THRB: variants seen among roughly 807,000 people sequenced by gnomAD.
THRB encodes the protein nuclear receptor subfamily 1 group A member 2.
A neutral mutation model predicts 47.8 loss-of-function variants in THRB; 12 were observed. The observed-to-expected ratio is 0.25, with a 90% CI of 0.16 to 0.41. THRB has a LOEUF of 0.41. Among genes scored for constraint, THRB ranks in the 10% least tolerant of loss-of-function variants. THRB has a pLI of 1.00. For synonymous variants in THRB, 218 were observed against 212.2 expected, an observed-to-expected ratio of 1.03 and a Z score of -0.24; for missense variants, 348 against 589.2, an observed-to-expected ratio of 0.59 and a Z score of 4.24.
intron 2 of THRB, among the ~76,000 whole-genome samples, chr3:24,299,728 G>C: frequency 7.1e-6 from 1 of 141,736 alleles, no homozygotes; most frequent in South Asian, 2.3e-4. Flanking sequence ...ATTCTTAACA[G>C]AAATTCCAGG....
chr3:24,355,831 G>C (rs1235146522), intron 1 of THRB, among the ~76,000 whole-genome samples: 1 of 152,102 alleles, frequency 6.6e-6, no homozygotes, highest in East Asian at 1.9e-4. Flanking sequence ...CTTAGCACTT[G>C]TATATCAGAG....
Position 24,128,863 on chromosome 3 carries a change from C to CTTTTTT in THRB, c.886-1112_886-1107dup, listed in dbSNP as rs57890674. Among the ~76,000 whole-genome samples, 64 of 87,052 alleles carry CTTTTTT rather than the reference C, an allele frequency of 7.4e-4. 5 individuals are homozygous for CTTTTTT. The highest frequency in any genetic ancestry group is 1.1e-3 in the Non-Finnish European group (45 of 41,592). The allele number at this position is 87,052 out of a possible 152,430, so 57.1% of individuals were successfully genotyped here. On this transcript the variant is annotated intron_variant, in intron 9 of 10. Coordinates refer to ENST00000646209, the MANE Select transcript of THRB (RefSeq NM_001354712.2). ...GCCAAGAGAAGAAGGAAACATAACT[C>CTTTTTT]TTTTTTTTTTTTTTTTTTTTTTTTT... is the stretch of plus-strand genomic sequence containing the variant.
chr3:24,283,787 G>A (rs1342726780), intron 3 of THRB, among the ~76,000 whole-genome samples: 3 of 151,514 alleles, frequency 2.0e-5, no homozygotes, highest in Admixed American at 1.3e-4. Context: ...TTATACACCA[G>A]TAACAGACAG....
In THRB at chr3:24,316,227, T is replaced by G. The variant is rs1415496809; in HGVS notation, c.-188-18856A>C. Among the ~76,000 whole-genome samples the G allele has an allele frequency of 2.6e-5, 4 of 152,212 alleles. No homozygotes were observed. In the East Asian group the frequency reaches 5.8e-4, roughly 22 times the overall value. On this transcript the variant is annotated intron_variant, in intron 2 of 10. Transcript: ENST00000646209. ...GCTACTACAGAGTCATGAAAATAACTGCTGGTCAACCACCAAAACAAAATT... is the reference window on the plus strand; with the variant it reads ...GCTACTACAGAGTCATGAAAATAACGGCTGGTCAACCACCAAAACAAAATT...
intron 1 of THRB, among the ~76,000 whole-genome samples, chr3:24,413,478 A>T (rs2068480851): frequency 6.6e-6 from 1 of 151,858 alleles, no homozygotes; most frequent in South Asian, 2.1e-4. Context: ...TAGAAAAATA[A>T]AGAAATCCAA....
intron 4 of THRB, among the ~76,000 whole-genome samples, chr3:24,207,243 T>G (rs1195109384): frequency 6.6e-6 from 1 of 152,168 alleles, no homozygotes; most frequent in Non-Finnish European, 1.5e-5. Context: ...GCAAAAATCC[T>G]CAATAAAATA....
At chr3:24,152,966 AAAAAAAAGAAAGAAAG>A (rs755353742) in intron 5 of THRB, among the ~76,000 whole-genome samples, 1 of 78,396 alleles carries the variant, frequency 1.3e-5, no homozygotes, top group Non-Finnish European at 2.3e-5. Context: ...CTGCCAAAAA[AAAAAAAAGAAAGAAAG>A]AAAGAAAGAA....
intron 4 of THRB, among the ~76,000 whole-genome samples, chr3:24,208,559 T>C (rs542174967): frequency 0.018 from 2,764 of 152,182 alleles, 85 homozygotes; most frequent in African/African-American, 0.063. Flanking sequence ...TCTACAACCA[T>C]CCGATCTTTG....
intron 3 of THRB, among the ~76,000 whole-genome samples, chr3:24,243,618 G>A (rs187043192): frequency 1.1e-4 from 16 of 152,080 alleles, no homozygotes; most frequent in Middle Eastern, 3.4e-3. Context: ...CCCTGGGCAC[G>A]GCGCTTCCCA....
intron 1 of THRB, among the ~76,000 whole-genome samples, chr3:24,453,293 C>T (rs2072848222): frequency 6.6e-6 from 1 of 152,218 alleles, no homozygotes; most frequent in African/African-American, 2.4e-5. Flanking sequence ...AACAACTTCA[C>T]ATCATGGCTC....
intron 4 of THRB, among the ~76,000 whole-genome samples, chr3:24,218,333 TCTCTCTC>T (rs1455086114): frequency 2.7e-5 from 3 of 111,960 alleles, no homozygotes; most frequent in East Asian, 2.3e-4. Context: ...TGTCTCTCTC[TCTCTCTC>T]TCTTTTTTTT....
chr3:24,480,254 A>T (rs1696165321), intron 1 of THRB, among the ~76,000 whole-genome samples: 1 of 152,214 alleles, frequency 6.6e-6, no homozygotes, highest in Admixed American at 6.5e-5. Context: ...TGGAAAGCAC[A>T]TGATCCTCAG....
intron 2 of THRB, among the ~76,000 whole-genome samples, chr3:24,325,010 C>T (rs959412280): frequency 6.6e-6 from 1 of 152,170 alleles, no homozygotes; most frequent in Non-Finnish European, 1.5e-5. Flanking sequence ...TCAGCAGGCT[C>T]TTATGTAGTC....
intron 1 of THRB, among the ~76,000 whole-genome samples, chr3:24,466,256 T>G (rs1271346080): frequency 3.3e-5 from 5 of 151,944 alleles, no homozygotes; most frequent in South Asian, 2.1e-4. Flanking sequence ...GGTTTTATTG[T>G]TTTTTTTCCT....
At chr3:24,350,586 C>A (rs1389185901) in intron 1 of THRB, among the ~76,000 whole-genome samples, 5 of 152,128 alleles carry the variant, frequency 3.3e-5, no homozygotes, top group Non-Finnish European at 5.9e-5. Context: ...CCATTATATA[C>A]AGTTCAAAAC....
chr3:24,330,200 G>A (rs1411286955), intron 2 of THRB, among the ~76,000 whole-genome samples: 2 of 152,000 alleles, frequency 1.3e-5, no homozygotes, highest in South Asian at 2.1e-4. Flanking sequence ...CCAGCTACTC[G>A]GGAGGCTGAG....
rs59464521 is a variant in THRB at position 24,227,048 on chromosome 3, G to A, written c.22+1890C>T. Among the ~76,000 whole-genome samples, 490 of 152,268 alleles carry A rather than the reference G, an allele frequency of 3.2e-3. 6 individuals carry two copies. Among genetic ancestry groups the A allele is most frequent in the African/African-American group, 0.011 (452 of 41,558 alleles). ...CCTAGAACTAATCCCCACAGCAAGCGAAGACCATTTTATTACCTACTTTTA... is the reference window on the plus strand; with the variant it reads ...CCTAGAACTAATCCCCACAGCAAGCAAAGACCATTTTATTACCTACTTTTA... On this transcript the variant is annotated intron_variant, in intron 4 of 10. Transcript: ENST00000646209.
intron 4 of THRB, among the ~76,000 whole-genome samples, chr3:24,198,612 A>C (rs2044251848): frequency 6.6e-6 from 1 of 151,924 alleles, no homozygotes; most frequent in East Asian, 1.9e-4. Flanking sequence ...TTTCAGTCCT[A>C]TCCACACAGC....
At chr3:24,140,117 A>C (rs1244458652) in intron 8 of THRB, among the ~76,000 whole-genome samples, 1 of 152,238 alleles carries the variant, frequency 6.6e-6, no homozygotes, top group South Asian at 2.1e-4. Context: ...CAAAAGAGTG[A>C]AATTTTCATC....
Sources: allele counts gnomAD v4.1 joint callset (sites outside exome capture counted in the v4.1 genomes callset), GRCh38; gene constraint gnomAD v4.1.1; transcripts MANE v1.5; gene names NCBI Gene and HGNC (gene_info 2026-07-23, HGNC 2026-07-21).